Variants in ENTHD1 observed in about 807,000 individuals in gnomAD.
The protein encoded by ENTHD1 is ENTH domain-containing protein 1.
Under a neutral mutation model 39.1 loss-of-function variants are expected in ENTHD1, and 23 were observed. The observed-to-expected ratio is 0.59, with a 90% CI of 0.42 to 0.83. ENTHD1 has a LOEUF of 0.83. Among genes scored for constraint, ENTHD1 ranks in the 40% least tolerant of loss-of-function variants. The pLI is 0.00. For synonymous variants in ENTHD1, 230 were observed against 258.2 expected (o/e 0.89, Z 1.05); for missense variants, 624 against 705.4 (o/e 0.88, Z 1.31).
At position 39,765,538 on chromosome 22, in the gene ENTHD1, C is replaced by T. The variant is rs2065269590; in HGVS notation, c.904G>A (p.Gly302Ser). The T allele has an allele frequency of 1.9e-6, 3 of 1,613,644 alleles. No homozygotes were observed. The highest frequency in any genetic ancestry group is 2.5e-6 in the Non-Finnish European group (3 of 1,179,898). ...RDVSLDKRSD[G>S]IFTNTVTENL... ...TCTGTGACAGTATTTGTAAAGATACCATCTGATCTCTTGTCCAAACTCACA... is the reference window on the plus strand; with the variant it reads ...TCTGTGACAGTATTTGTAAAGATACTATCTGATCTCTTGTCCAAACTCACA... Residue 302 changes from glycine to serine, a missense_variant, in exon 6 of 7, where the codon GGT (glycine) becomes AGT (serine). Gly to Ser is a moderately conservative substitution (Grantham distance 56). Coordinates refer to ENST00000325157, the MANE Select transcript of ENTHD1 (RefSeq NM_152512.4).
chr22:39,868,350 T>TA (rs535956120), intron 2 of ENTHD1, among the ~76,000 whole-genome samples: 7,118 of 126,530 alleles, frequency 0.056, 176 homozygotes, highest in South Asian at 0.11. Context: ...TTTATTTTAT[T>TA]AAAAAAAAAA....
rs769318998 is a variant in ENTHD1, at chr22:39,756,287, GTCTCTCTC to G, written c.1219+8928_1219+8935del. ...TGTTGTTAAACCTATCAATGTCTCT[GTCTCTCTC>G]TCTCTCTCTCTCTCTCTCTCTCACA... On this transcript the variant is annotated intron_variant, in intron 6 of 6. Transcript: ENST00000325157. Among the ~76,000 whole-genome samples the G allele has an allele frequency of 3.5e-3, 512 of 144,420 alleles. 3 individuals carry two copies. The highest frequency in any genetic ancestry group is 0.012 in the African/African-American group (466 of 38,274). 94.7% of individuals were successfully genotyped at this position (144,420 alleles called of 152,430 possible). A position where few individuals can be genotyped will look rare whatever the true frequency, so the allele number is the denominator to read the frequency against.
chr22:39,802,101 CTCT>C (rs1569146460), intron 5 of ENTHD1, among the ~76,000 whole-genome samples: 11 of 152,156 alleles, frequency 7.2e-5, no homozygotes, highest in African/African-American at 2.7e-4. Context: ...CAAACCTATT[CTCT>C]CCTCCACCCT....
chr22:39,767,465 A>G (rs1380456787), intron 5 of ENTHD1, among the ~76,000 whole-genome samples: 1 of 151,920 alleles, frequency 6.6e-6, no homozygotes. Flanking sequence ...TTCTATGAAA[A>G]ACAAAACAAA....
intron 2 of ENTHD1, chr22:39,876,102 T>C: frequency 4.4e-6 from 7 of 1,604,608 alleles, no homozygotes; most frequent in Non-Finnish European, 6.0e-6. Context: ...GACGATATGG[T>C]GATTGTTGGT....
intron 2 of ENTHD1, among the ~76,000 whole-genome samples, chr22:39,868,587 C>T (rs1000474939): frequency 1.3e-5 from 2 of 152,024 alleles, no homozygotes; most frequent in African/African-American, 4.8e-5. Flanking sequence ...TGAGTAAGTC[C>T]TCAAAAGCAA....
intron 3 of ENTHD1, among the ~76,000 whole-genome samples, chr22:39,850,479 A>G (rs2066026174): frequency 6.6e-6 from 1 of 152,112 alleles, no homozygotes; most frequent in African/African-American, 2.4e-5. Context: ...TCTTTCCCCA[A>G]TCTGATAGTC....
At chr22:39,845,474 G>T (rs1008022881) in intron 3 of ENTHD1, among the ~76,000 whole-genome samples, 1 of 151,980 alleles carries the variant, frequency 6.6e-6, no homozygotes, top group East Asian at 1.9e-4. Context: ...AACACATTCC[G>T]GTAGAAAAAC....
At chr22:39,834,335 G>C (rs1395371201) in intron 4 of ENTHD1, among the ~76,000 whole-genome samples, 7 of 152,138 alleles carry the variant, frequency 4.6e-5, no homozygotes, top group Admixed American at 4.6e-4. Flanking sequence ...GTGAACATAT[G>C]AATAAGGTCA....
Position 39,861,865 on chromosome 22 carries a change from T to C in ENTHD1, c.492A>G (p.Ser164=). 19 of 1,606,202 alleles carry C rather than the reference T, an allele frequency of 1.2e-5. No homozygotes were observed. The highest frequency in any genetic ancestry group is 1.6e-5 in the Non-Finnish European group (19 of 1,174,636). The part of the protein sequence containing the change: ...SILFSKRQLG[S]SNSLTACTSA... ...AAGTGCACGCTGTCAGTGAGTTACT[T>C]GAACCAAGTTGTCTTTTAGAAAACA... Residue 164 remains serine, a synonymous_variant, in exon 3 of 7, where the codon TCA becomes TCG. Transcript: ENST00000325157.
At chr22:39,875,889 A>G in intron 2 of ENTHD1, 5 of 1,614,022 alleles carry the variant, frequency 3.1e-6, no homozygotes, top group Non-Finnish European at 3.4e-6. Flanking sequence ...GACCCACAGC[A>G]TGATCTAGAT....
chr22:39,743,866 T>A lies in ENTHD1; in HGVS notation c.1637A>T (p.Asn546Ile). The A allele has an allele frequency of 6.2e-7, 1 of 1,614,166 alleles. No homozygotes were observed. The highest frequency in any genetic ancestry group is 2.2e-5 in the East Asian group (1 of 44,874). The change falls in exon 7 of 7, where the codon AAT (asparagine) becomes ATT (isoleucine). Residue 546 changes from asparagine to isoleucine, a missense_variant. Asn to Ile is a moderately radical substitution (Grantham distance 149, BLOSUM62 -3). Coordinates refer to ENST00000325157, the MANE Select transcript of ENTHD1 (RefSeq NM_152512.4). Reference protein sequence around the residue: ...KDFPQEPEAKNSISVLLREVK... With the variant: ...KDFPQEPEAKISISVLLREVK... Reference sequence around the variant, plus strand: ...CTCCCTTAAAAGAACACTAATGGAATTCTTTGCTTCAGGTTCCTGGGGGAA... The same window carrying A: ...CTCCCTTAAAAGAACACTAATGGAAATCTTTGCTTCAGGTTCCTGGGGGAA...
chr22:39,880,509 T>C (rs1014571926), intron 2 of ENTHD1, among the ~76,000 whole-genome samples: 4 of 152,148 alleles, frequency 2.6e-5, no homozygotes, highest in African/African-American at 9.7e-5. Flanking sequence ...TGTACGTTCA[T>C]CGATTGTAAC....
Position 39,764,860 on chromosome 22 carries a change from A to T in ENTHD1, c.1219+363T>A, listed in dbSNP as rs577372260. ...TGGGGGTGTGTGTATACACCAATAC[A>T]CATAATAACCAATTCTTTTTCATAT... is the stretch of plus-strand genomic sequence containing the variant. On this transcript the variant is annotated intron_variant, in intron 6 of 6. Transcript: ENST00000325157. 2.8e-4 allele frequency among the ~76,000 whole-genome samples: 43 copies of T among 152,152 alleles called. 1 individual carries two copies. Among genetic ancestry groups the T allele is most frequent in the African/African-American group, 9.6e-4 (40 of 41,536 alleles).
intron 5 of ENTHD1, among the ~76,000 whole-genome samples, chr22:39,799,339 C>T (rs926273163): frequency 6.6e-6 from 1 of 152,174 alleles, no homozygotes; most frequent in Non-Finnish European, 1.5e-5. Flanking sequence ...TGGGCAGCCT[C>T]CCTAGTGCAC....
chr22:39,747,530 G>A (rs998255643), intron 6 of ENTHD1, among the ~76,000 whole-genome samples: 3 of 152,000 alleles, frequency 2.0e-5, no homozygotes, highest in African/African-American at 7.3e-5. Flanking sequence ...CTGTATTATA[G>A]AATTATGTTA....
rs774652765 is a variant in ENTHD1 at position 39,867,236 on chromosome 22, G to A, written c.350-5229C>T. 1.3e-5 allele frequency among the ~76,000 whole-genome samples: 2 copies of A among 152,172 alleles called. No individual in the cohort carries two copies. The highest frequency in any genetic ancestry group is 3.9e-4 in the East Asian group (2 of 5,182). On this transcript the variant is annotated intron_variant, in intron 2 of 6. Coordinates refer to ENST00000325157, the MANE Select transcript of ENTHD1 (RefSeq NM_152512.4). This position sits in a 1 kb window ranked among gnomAD's most constrained non-coding sequence, Gnocchi z 4.5. ...CTATATACATTTACAGCTGACCATC[G>A]TGTAAAGAGATTGCAAATATGGTAA...
chr22:39,869,047 T>C (rs1410707983), intron 2 of ENTHD1, among the ~76,000 whole-genome samples: 1 of 152,214 alleles, frequency 6.6e-6, no homozygotes. Flanking sequence ...TCAACCATGG[T>C]AGAAAACAGT....
chr22:39,746,577 T>C (rs1333698072), intron 6 of ENTHD1, among the ~76,000 whole-genome samples: 1 of 152,226 alleles, frequency 6.6e-6, no homozygotes, highest in Non-Finnish European at 1.5e-5. Flanking sequence ...GTTGAGTGTG[T>C]GTATGGCACT....
Sources: gnomAD v4.1 joint callset for allele counts (sites outside exome capture counted in the v4.1 genomes callset) on GRCh38, gnomAD v4.1.1 for gene constraint, Gnocchi (gnomAD v3.1) non-coding constraint, MANE v1.5 for transcripts, NCBI Gene and HGNC (gene_info 2026-07-23, HGNC 2026-07-21) for gene names.